SLC10A7: variants seen among roughly 807,000 people sequenced by gnomAD.
The protein encoded by SLC10A7 is solute carrier family 10 member 7.
Under a neutral mutation model 43.2 loss-of-function variants are expected in SLC10A7, and 29 were observed. The observed-to-expected ratio is 0.67, with a 90% CI of 0.50 to 0.92. The LOEUF (loss-of-function observed/expected upper bound fraction) is 0.92, where lower values mean the gene tolerates loss of function less well. Ranked by LOEUF, SLC10A7 falls within the 40% of genes least tolerant of loss-of-function variation. SLC10A7 has a pLI of 0.00. For synonymous variants in SLC10A7, 152 were observed against 144.8 expected (o/e 1.05, Z -0.35); for missense variants, 295 against 403.2 (o/e 0.73, Z 2.30).
intron 6 of SLC10A7, among the ~76,000 whole-genome samples, chr4:146,316,902 A>G (rs1205597545): frequency 1.3e-5 from 2 of 152,086 alleles, no homozygotes; most frequent in African/African-American, 2.4e-5. Flanking sequence ...GTCAAATGTA[A>G]CATTTGCTTG....
chr4:146,421,157 T>A (rs1305462912), intron 5 of SLC10A7, among the ~76,000 whole-genome samples: 1 of 152,104 alleles, frequency 6.6e-6, no homozygotes. Flanking sequence ...TTTGAGAGAT[T>A]TAATCTTATT....
chr4:146,399,675 G>A (rs1739087335), intron 5 of SLC10A7, among the ~76,000 whole-genome samples: 2 of 152,154 alleles, frequency 1.3e-5, no homozygotes, highest in South Asian at 4.1e-4. Flanking sequence ...GATACGGGGA[G>A]GGGAAGACAA....
chr4:146,466,281 T>G (rs988602962), intron 4 of SLC10A7, among the ~76,000 whole-genome samples: 1 of 152,156 alleles, frequency 6.6e-6, no homozygotes, highest in Non-Finnish European at 1.5e-5. Context: ...AAACGTATAG[T>G]ACTGAAGACT....
At chr4:146,471,258 G>A (rs1446010063) in intron 4 of SLC10A7, among the ~76,000 whole-genome samples, 2 of 152,150 alleles carry the variant, frequency 1.3e-5, no homozygotes, top group East Asian at 3.8e-4. Context: ...TGTAGAAATA[G>A]TTACATACAT....
chr4:146,486,203 T>C (rs141920958), intron 4 of SLC10A7, among the ~76,000 whole-genome samples: 25 of 152,332 alleles, frequency 1.6e-4, no homozygotes, highest in African/African-American at 5.8e-4. Flanking sequence ...CTGCAGGTCA[T>C]TCAAATAAGC....
At chr4:146,353,372 C>T (rs1352420331) in intron 5 of SLC10A7, among the ~76,000 whole-genome samples, 2 of 135,296 alleles carry the variant, frequency 1.5e-5, no homozygotes, top group African/African-American at 5.7e-5. Flanking sequence ...CAATAACAGG[C>T]TCTGAAATTG....
At chr4:146,301,922 CT>C (rs747952594) in intron 7 of SLC10A7, among the ~76,000 whole-genome samples, 26 of 152,260 alleles carry the variant, frequency 1.7e-4, no homozygotes, top group Non-Finnish European at 3.7e-4. Flanking sequence ...CCTATACTAC[CT>C]TTTGACTACC....
In SLC10A7 at chr4:146,342,233, T is replaced by C. The variant is rs144341785; in HGVS notation, c.436-16237A>G. 3.2e-3 allele frequency among the ~76,000 whole-genome samples: 489 copies of C among 151,926 alleles called. 10 individuals carry two copies. The highest frequency in any genetic ancestry group is 0.031 in the Admixed American group (465 of 15,228). Reference sequence around the variant, plus strand: ...ACACCTCATTCTTTTATTTGACTGATTTTATTTTTTAATGTAGAAGTATTT... The same window carrying C: ...ACACCTCATTCTTTTATTTGACTGACTTTATTTTTTAATGTAGAAGTATTT... On this transcript the variant is annotated intron_variant, in intron 5 of 11. Coordinates refer to ENST00000335472, the MANE Select transcript of SLC10A7 (RefSeq NM_001029998.6).
intron 5 of SLC10A7, among the ~76,000 whole-genome samples, chr4:146,385,608 A>C (rs1737936497): frequency 6.6e-6 from 1 of 152,168 alleles, no homozygotes; most frequent in South Asian, 2.1e-4. Flanking sequence ...AACTCGAAAT[A>C]ACTTTTATTT....
chr4:146,479,554 T>C (rs1008285485), intron 4 of SLC10A7, among the ~76,000 whole-genome samples: 1 of 152,198 alleles, frequency 6.6e-6, no homozygotes, highest in African/African-American at 2.4e-5. Flanking sequence ...TATATGAGGT[T>C]TCTAGAATAG....
intron 3 of SLC10A7, among the ~76,000 whole-genome samples, chr4:146,505,105 A>G (rs912687737): frequency 6.6e-6 from 1 of 152,192 alleles, no homozygotes; most frequent in African/African-American, 2.4e-5. Flanking sequence ...TTGAATGGGT[A>G]TGATTAAAGG....
intron 1 of SLC10A7, among the ~76,000 whole-genome samples, chr4:146,518,010 A>G (rs776609618): frequency 2.0e-5 from 3 of 152,172 alleles, no homozygotes; most frequent in African/African-American, 4.8e-5. Flanking sequence ...GGCCCTAGAG[A>G]TATGTGGTGA....
intron 4 of SLC10A7, among the ~76,000 whole-genome samples, chr4:146,444,810 T>C (rs569760040): frequency 6.6e-6 from 1 of 152,240 alleles, no homozygotes; most frequent in East Asian, 1.9e-4. Context: ...AATGATTGAT[T>C]AAAGGTTCTG....
intron 5 of SLC10A7, among the ~76,000 whole-genome samples, chr4:146,355,522 A>T (rs1456547530): frequency 2.0e-5 from 3 of 151,662 alleles, no homozygotes; most frequent in African/African-American, 7.3e-5. Context: ...CATTTGACCC[A>T]GCCATCCCAT....
intron 9 of SLC10A7, among the ~76,000 whole-genome samples, chr4:146,289,120 C>T (rs927314527): frequency 3.9e-5 from 6 of 152,178 alleles, no homozygotes; most frequent in African/African-American, 9.7e-5. Flanking sequence ...TGTCTCTGCT[C>T]GTTTTCAGAG....
At chr4:146,519,924 T>C (rs1335615980) in intron 1 of SLC10A7, among the ~76,000 whole-genome samples, 4 of 152,158 alleles carry the variant, frequency 2.6e-5, no homozygotes, top group Admixed American at 6.5e-5. Context: ...AAATGGGAAA[T>C]GGCATTTCTA....
At chr4:146,498,067 ATCT>A (rs1736053293) in intron 4 of SLC10A7, among the ~76,000 whole-genome samples, 1 of 151,828 alleles carries the variant, frequency 6.6e-6, no homozygotes, top group African/African-American at 2.4e-5. Flanking sequence ...ATTCTGATCT[ATCT>A]TCTTATTTTT....
At chr4:146,322,364 T>TCCC (rs34494809) in intron 6 of SLC10A7, among the ~76,000 whole-genome samples, 1 of 102,616 alleles carries the variant, frequency 9.7e-6, no homozygotes, top group African/African-American at 3.8e-5. Flanking sequence ...ATGCTATCCC[T>TCCC]CCCCCCTCCC....
At chr4:146,339,806 T>C (rs918467802) in intron 5 of SLC10A7, among the ~76,000 whole-genome samples, 1 of 151,144 alleles carries the variant, frequency 6.6e-6, no homozygotes, top group Non-Finnish European at 1.5e-5. Flanking sequence ...GTTTCATTTG[T>C]CGTTTTTTTT....
Sources: gnomAD v4.1 joint callset for allele counts (sites outside exome capture counted in the v4.1 genomes callset) on GRCh38, gnomAD v4.1.1 for gene constraint, MANE v1.5 for transcripts, NCBI Gene and HGNC (gene_info 2026-07-23, HGNC 2026-07-21) for gene names.